Variants in SPHKAP observed in about 807,000 individuals in gnomAD.
The protein encoded by SPHKAP is SPHK1 interactor, AKAP domain containing, also known as A-kinase anchor protein SPHKAP.
In SPHKAP, 67 loss-of-function variants were observed where a neutral mutation model predicts 137.5. The observed-to-expected ratio is 0.49, with a 90% CI of 0.40 to 0.60. The LOEUF (loss-of-function observed/expected upper bound fraction) is 0.60. Ranked by LOEUF, SPHKAP falls within the 20% of genes least tolerant of loss-of-function variation. The probability of loss-of-function intolerance (pLI) is 0.00; values close to 1 mark genes in which losing one functional copy is unlikely to be tolerated. For synonymous variants in SPHKAP, 813 were observed against 785.3 expected, an observed-to-expected ratio of 1.04 and a Z score of -0.59; for missense variants, 2,097 against 2,069.3, an observed-to-expected ratio of 1.01 and a Z score of -0.26.
intron 1 of SPHKAP, among the ~76,000 whole-genome samples, chr2:228,141,037 A>T (rs781312692): frequency 7.2e-5 from 11 of 152,202 alleles, no homozygotes; most frequent in Non-Finnish European, 1.5e-4. Context: ...ATTGCTGCCA[A>T]ATAACAGACC....
intron 11 of SPHKAP, among the ~76,000 whole-genome samples, chr2:227,983,845 G>T (rs2106149633): frequency 6.6e-6 from 1 of 152,256 alleles, no homozygotes; most frequent in Non-Finnish European, 1.5e-5. Flanking sequence ...GTAGGAGAGT[G>T]GTGGGCAAGC....
Position 228,018,855 on chromosome 2 carries a change from G to A in SPHKAP, c.1999C>T (p.Leu667=), listed in dbSNP as rs1694718003. 1.2e-6 allele frequency: 2 copies of A among 1,614,186 alleles called. No individual in the cohort carries two copies. Among genetic ancestry groups the A allele is most frequent in the African/African-American group, 2.7e-5 (2 of 75,046 alleles). The change falls in exon 7 of 12, where the codon CTG becomes TTG. Residue 667 remains leucine (L), a synonymous_variant. Coordinates refer to ENST00000392056, the MANE Select transcript of SPHKAP (RefSeq NM_001142644.2). ...LCSENVVRNE[L]AHTLSNVILR... Reference sequence around the variant, plus strand: ...ATAACATTGGACAGGGTATGTGCCAGTTCATTCCTGACGACATTTTCTGAG... The same window carrying A: ...ATAACATTGGACAGGGTATGTGCCAATTCATTCCTGACGACATTTTCTGAG...
intron 11 of SPHKAP, among the ~76,000 whole-genome samples, chr2:227,984,822 A>T (rs1693155917): frequency 6.6e-6 from 1 of 152,180 alleles, no homozygotes; most frequent in Non-Finnish European, 1.5e-5. Context: ...GACTTCTCTA[A>T]GGTATCCCCA....
intron 3 of SPHKAP, among the ~76,000 whole-genome samples, chr2:228,058,696 G>C (rs1230100943): frequency 6.6e-6 from 1 of 152,184 alleles, no homozygotes; most frequent in Admixed American, 6.5e-5. Flanking sequence ...TTCTTTTCAA[G>C]AGTTTCTATG....
At chr2:228,154,611 C>T (rs1233936289) in intron 1 of SPHKAP, among the ~76,000 whole-genome samples, 2 of 126,430 alleles carry the variant, frequency 1.6e-5, no homozygotes, top group African/African-American at 6.1e-5. Context: ...TGCAGTGGCA[C>T]GATCTAGGCT....
chr2:228,142,138 TG>T (rs1699624681), intron 1 of SPHKAP, among the ~76,000 whole-genome samples: 1 of 152,116 alleles, frequency 6.6e-6, no homozygotes, highest in African/African-American at 2.4e-5. Context: ...GGCAGTCATA[TG>T]AAATAGTATA....
At chr2:228,128,194 T>G (rs1171048773) in intron 2 of SPHKAP, among the ~76,000 whole-genome samples, 3 of 152,208 alleles carry the variant, frequency 2.0e-5, no homozygotes, top group African/African-American at 7.2e-5. Context: ...AGGAGAACTT[T>G]CAAAATTGGA....
intron 1 of SPHKAP, among the ~76,000 whole-genome samples, chr2:228,149,992 C>T (rs964770469): frequency 6.6e-6 from 1 of 152,132 alleles, no homozygotes; most frequent in Non-Finnish European, 1.5e-5. Flanking sequence ...ATGCAAAAAT[C>T]CTTAAAGTTA....
In SPHKAP at chr2:228,030,088, T is replaced by C. The variant is rs576993801; in HGVS notation, c.247-2545A>G. 2.0e-5 allele frequency among the ~76,000 whole-genome samples: 3 copies of C among 152,256 alleles called. 1 individual carries two copies. The highest frequency in any genetic ancestry group is 7.2e-5 in the African/African-American group (3 of 41,558). On this transcript the variant is annotated intron_variant, in intron 3 of 11. Coordinates refer to ENST00000392056, the MANE Select transcript of SPHKAP (RefSeq NM_001142644.2). ...TCCACATTTGCTACCTGAACCAAGA[T>C]AAAAACAAAGCAAGACACAAACCAA... is the stretch of plus-strand genomic sequence containing the variant.
At chr2:227,993,508 A>G (rs2106164828) in intron 9 of SPHKAP, 26 bp downstream of exon 9, 1 of 1,573,936 alleles carries the variant, frequency 6.4e-7, no homozygotes, top group Non-Finnish European at 8.7e-7. Flanking sequence ...TGGTCTCACA[A>G]TCACTGCATC....
intron 1 of SPHKAP, among the ~76,000 whole-genome samples, chr2:228,158,326 C>CTTTTTTT (rs55897294): frequency 0.013 from 1,706 of 132,938 alleles, 42 homozygotes; most frequent in African/African-American, 0.045. Flanking sequence ...TTACTTCTTT[C>CTTTTTTT]TTTTTTTTTT....
At chr2:227,982,810 C>G (rs1474364832) in intron 11 of SPHKAP, among the ~76,000 whole-genome samples, 1 of 152,210 alleles carries the variant, frequency 6.6e-6, no homozygotes, top group Non-Finnish European at 1.5e-5. Flanking sequence ...CCGCACCTTT[C>G]TGCATTTTGG....
In SPHKAP at chr2:228,027,739, G is replaced by A. The variant is rs537556491; in HGVS notation, c.247-196C>T. On this transcript the variant is annotated intron_variant, in intron 3 of 11. Transcript: ENST00000392056. ...TCCCAGCACTTTAGGAGGCCAAGGCGGGCAGATCACGAGGTCAGGAGATCG... is the reference window on the plus strand; with the variant it reads ...TCCCAGCACTTTAGGAGGCCAAGGCAGGCAGATCACGAGGTCAGGAGATCG... Among the ~76,000 whole-genome samples, 13 of 152,070 alleles carry A rather than the reference G, an allele frequency of 8.5e-5. No homozygotes were observed. In the South Asian group the frequency reaches 1.0e-3, roughly 12 times the overall value.
Position 228,181,417 on chromosome 2 carries a change from C to T in SPHKAP, c.32+150G>A, listed in dbSNP as rs918270051. On this transcript the variant is annotated intron_variant, in intron 1 of 11. Transcript: ENST00000392056. This position sits in a 1 kb window ranked among gnomAD's most constrained non-coding sequence, Gnocchi z 4.3. ...CCCCTGTAGCTCCAGCGAGGCTGGG[C>T]CGGACTTATTTACAAGTGCAGTGAC... is the stretch of plus-strand genomic sequence containing the variant. 1.1e-5 allele frequency: 12 copies of T among 1,108,644 alleles called. No homozygotes were observed. The highest frequency in any genetic ancestry group is 1.6e-5 in the Non-Finnish European group (12 of 734,658). 68.7% of individuals were successfully genotyped at this position (1,108,644 alleles called of 1,614,324 possible). A position where few individuals can be genotyped will look rare whatever the true frequency, so the allele number is the denominator to read the frequency against.
In SPHKAP at chr2:228,016,552, A is replaced by G. The variant is rs1574749754; in HGVS notation, c.4302T>C (p.Asp1434=). ...REVPLIQIET[D]QREACAGEPE... ...GTTCCCCAGCACAGGCTTCTCTCTGATCTGTTTCAATCTGAATCAAAGGCA... is the reference window on the plus strand; with the variant it reads ...GTTCCCCAGCACAGGCTTCTCTCTGGTCTGTTTCAATCTGAATCAAAGGCA... Residue 1434 remains aspartate (D), a synonymous_variant, in exon 7 of 12, where the codon GAT becomes GAC. Coordinates refer to ENST00000392056, the MANE Select transcript of SPHKAP (RefSeq NM_001142644.2). 1 of 1,614,012 alleles carries G rather than the reference A, an allele frequency of 6.2e-7. No homozygotes were observed. Among genetic ancestry groups the G allele is most frequent in the East Asian group, 2.2e-5 (1 of 44,866 alleles).
At chr2:228,129,463 T>C (rs67966723) in intron 2 of SPHKAP, among the ~76,000 whole-genome samples, 52,027 of 152,030 alleles carry the variant, frequency 0.34, 9,189 homozygotes, top group East Asian at 0.51. Context: ...TGTGAATTCA[T>C]TAAGGGTGAG....
intron 11 of SPHKAP, among the ~76,000 whole-genome samples, chr2:227,987,678 T>C (rs1693261914): frequency 6.8e-6 from 1 of 146,094 alleles, no homozygotes; most frequent in Admixed American, 6.9e-5. Context: ...AGGATGGAAT[T>C]AGTGGTGAGT....
intron 1 of SPHKAP, among the ~76,000 whole-genome samples, chr2:228,154,803 C>T (rs540853660): frequency 1.7e-4 from 25 of 149,224 alleles, no homozygotes; most frequent in African/African-American, 5.9e-4. Context: ...TCGTGATCTG[C>T]CCACCTCAGC....
intron 3 of SPHKAP, among the ~76,000 whole-genome samples, chr2:228,063,928 G>T (rs1696744108): frequency 6.6e-6 from 1 of 152,134 alleles, no homozygotes; most frequent in Non-Finnish European, 1.5e-5. Flanking sequence ...GCTAATATTA[G>T]TTACCCAAAT....
Sources: allele counts gnomAD v4.1 joint callset (sites outside exome capture counted in the v4.1 genomes callset), GRCh38; gene constraint gnomAD v4.1.1; non-coding constraint Gnocchi (gnomAD v3.1); transcripts MANE v1.5; gene names NCBI Gene and HGNC (gene_info 2026-07-23, HGNC 2026-07-21).